The following CACNA2D1 variants were observed in gnomAD, a reference collection of about 807,000 sequenced individuals.
CACNA2D1 encodes the protein calcium voltage-gated channel auxiliary subunit alpha2delta 1, also known as voltage-dependent calcium channel subunit alpha-2/delta-1.
Under a neutral mutation model 171.5 loss-of-function variants are expected in CACNA2D1, and 53 were observed. That is an observed-to-expected ratio of 0.31 (90% CI 0.25 to 0.39). The LOEUF is 0.39. Ranked by LOEUF, CACNA2D1 falls within the 10% of genes least tolerant of loss-of-function variation. The pLI is 1.00. For synonymous variants in CACNA2D1, 442 were observed against 443.1 expected, an observed-to-expected ratio of 1.00 and a Z score of 0.03; for missense variants, 903 against 1,299.8, an observed-to-expected ratio of 0.69 and a Z score of 4.69.
chr7:82,203,326 G>A (rs997990961), intron 3 of CACNA2D1, among the ~76,000 whole-genome samples: 2 of 152,110 alleles, frequency 1.3e-5, no homozygotes, highest in African/African-American at 4.8e-5. Context: ...GACAGTACTG[G>A]GACAGTACCA....
intron 3 of CACNA2D1, among the ~76,000 whole-genome samples, chr7:82,227,057 AT>A (rs1346162121): frequency 6.6e-6 from 1 of 152,240 alleles, no homozygotes; most frequent in Non-Finnish European, 1.5e-5. Flanking sequence ...AAAATCTTGG[AT>A]ACAGATTAGT....
chr7:82,148,284 T>C (rs1793377473), intron 4 of CACNA2D1, among the ~76,000 whole-genome samples: 1 of 138,624 alleles, frequency 7.2e-6, no homozygotes, highest in South Asian at 2.2e-4. Context: ...ATTTTACATA[T>C]AAGACAAAAC....
chr7:82,386,720 C>G (rs1304160097), intron 1 of CACNA2D1, among the ~76,000 whole-genome samples: 1 of 148,808 alleles, frequency 6.7e-6, no homozygotes, highest in Non-Finnish European at 1.5e-5. Context: ...GCAATAAGAG[C>G]AAAACTCTGT....
intron 1 of CACNA2D1, among the ~76,000 whole-genome samples, chr7:82,373,531 A>G (rs1332670640): frequency 6.6e-6 from 1 of 152,210 alleles, no homozygotes; most frequent in East Asian, 1.9e-4. Flanking sequence ...ATAATGCACA[A>G]TTGTATTAAA....
chr7:82,388,212 T>C (rs550796411), intron 1 of CACNA2D1, among the ~76,000 whole-genome samples: 1 of 152,238 alleles, frequency 6.6e-6, no homozygotes, highest in Non-Finnish European at 1.5e-5. Flanking sequence ...TATTTACAAA[T>C]TCACTTGAAT....
intron 3 of CACNA2D1, among the ~76,000 whole-genome samples, chr7:82,277,317 C>T (rs899920674): frequency 6.6e-6 from 1 of 152,102 alleles, no homozygotes; most frequent in African/African-American, 2.4e-5. Flanking sequence ...ATTTTCCTGC[C>T]TCAGCCCCCG....
At chr7:82,384,646 G>GA (rs75544933) in intron 1 of CACNA2D1, among the ~76,000 whole-genome samples, 34,957 of 151,376 alleles carry the variant, frequency 0.23, 5,508 homozygotes, top group African/African-American at 0.45. Flanking sequence ...GAAGAGGGAG[G>GA]AAAAAAGAAA....
intron 3 of CACNA2D1, among the ~76,000 whole-genome samples, chr7:82,291,197 T>TATAATTCTATATCGATATAGAATA: frequency 7.2e-6 from 1 of 139,230 alleles, no homozygotes; most frequent in Middle Eastern, 3.8e-3. Context: ...GATATAGAAT[T>TATAATTCTATATCGATATAGAATA]CTATATCTAT....
chr7:82,269,714 T>C (rs1459824933), intron 3 of CACNA2D1, among the ~76,000 whole-genome samples: 3 of 152,086 alleles, frequency 2.0e-5, no homozygotes, highest in Admixed American at 2.0e-4. Context: ...TTAGTAAACA[T>C]TTTCTGAGTG....
chr7:82,022,777 A>T (rs1256955245), intron 12 of CACNA2D1, among the ~76,000 whole-genome samples: 1 of 151,946 alleles, frequency 6.6e-6, no homozygotes, highest in East Asian at 1.9e-4. Flanking sequence ...AATTCTTTAA[A>T]ATAAGTACGT....
intron 3 of CACNA2D1, among the ~76,000 whole-genome samples, chr7:82,254,037 G>A (rs34227064): frequency 3.7e-4 from 57 of 152,036 alleles, no homozygotes; most frequent in Non-Finnish European, 7.4e-4. Context: ...CTGATTTACC[G>A]AAAATAAATA....
chr7:82,437,613 C>A (rs1188147143), intron 1 of CACNA2D1, among the ~76,000 whole-genome samples: 1 of 152,082 alleles, frequency 6.6e-6, no homozygotes, highest in Non-Finnish European at 1.5e-5. Context: ...CAGCCTAATT[C>A]TGAATTATTG....
At chr7:81,969,604 T>A (rs1218940150) in intron 28 of CACNA2D1, among the ~76,000 whole-genome samples, 1 of 151,378 alleles carries the variant, frequency 6.6e-6, no homozygotes, top group Non-Finnish European at 1.5e-5. Context: ...AGTTGTAATA[T>A]GAGGGATTAT....
At chr7:82,163,272 A>G (rs1795121837) in intron 4 of CACNA2D1, among the ~76,000 whole-genome samples, 1 of 152,066 alleles carries the variant, frequency 6.6e-6, no homozygotes, top group Non-Finnish European at 1.5e-5. Context: ...AATTTTAGGC[A>G]TATTTGTATA....
chr7:82,338,294 A>G (rs897802487), intron 2 of CACNA2D1, among the ~76,000 whole-genome samples: 6 of 152,172 alleles, frequency 3.9e-5, no homozygotes, highest in Admixed American at 3.9e-4. Flanking sequence ...ATATGCTTCC[A>G]AACTTTTAGA....
intron 3 of CACNA2D1, among the ~76,000 whole-genome samples, chr7:82,317,837 T>C (rs1361431818): frequency 6.6e-6 from 1 of 151,974 alleles, no homozygotes; most frequent in Admixed American, 6.6e-5. Context: ...TAAACAGTTA[T>C]TTGGGGAAAA....
At chr7:82,047,889 C>T (rs531346399) in intron 10 of CACNA2D1, among the ~76,000 whole-genome samples, 3 of 152,202 alleles carry the variant, frequency 2.0e-5, no homozygotes, top group East Asian at 3.9e-4. Flanking sequence ...GTCTGAGAGA[C>T]AGTAGTCAGG....
At chr7:82,052,679 T>C (rs1805325158) in intron 10 of CACNA2D1, among the ~76,000 whole-genome samples, 2 of 152,162 alleles carry the variant, frequency 1.3e-5, no homozygotes, top group Non-Finnish European at 1.5e-5. Context: ...AGATTATAAA[T>C]GCAAATAAGA....
At chr7:82,353,828 A>G (rs1338955935) in intron 1 of CACNA2D1, among the ~76,000 whole-genome samples, 1 of 152,096 alleles carries the variant, frequency 6.6e-6, no homozygotes, top group East Asian at 1.9e-4. Flanking sequence ...AAAAAGAGAA[A>G]GGCAAGTAGA....
Sources: gnomAD v4.1 joint callset for allele counts (sites outside exome capture counted in the v4.1 genomes callset) on GRCh38, gnomAD v4.1.1 for gene constraint, MANE v1.5 for transcripts, NCBI Gene and HGNC (gene_info 2026-07-23, HGNC 2026-07-21) for gene names.